Variants in RIN2 observed in about 807,000 individuals in gnomAD.
The protein encoded by RIN2 is Ras and Rab interactor 2.
Under a neutral mutation model 78.0 loss-of-function variants are expected in RIN2, and 36 were observed. That is an observed-to-expected ratio of 0.46 (90% CI 0.35 to 0.61). RIN2 has a LOEUF of 0.61. Among genes scored for constraint, RIN2 ranks in the 20% least tolerant of loss-of-function variants. RIN2 has a pLI of 0.00. For synonymous variants in RIN2, 466 were observed against 466.8 expected (o/e 1.00, Z 0.02); for missense variants, 1,087 against 1,159.7 (o/e 0.94, Z 0.91).
intron 1 of RIN2, among the ~76,000 whole-genome samples, chr20:19,764,920 T>TA (rs2033811677): frequency 1.3e-5 from 1 of 78,750 alleles, no homozygotes; most frequent in Non-Finnish European, 2.7e-5. Flanking sequence ...CTTTCTGCGT[T>TA]TTTTTTTTTT....
chr20:19,898,811 C>G (rs927246218), intron 3 of RIN2, among the ~76,000 whole-genome samples: 1 of 152,100 alleles, frequency 6.6e-6, no homozygotes, highest in Non-Finnish European at 1.5e-5. Context: ...AATGAAAGGA[C>G]AAACTCAAAT....
At chr20:19,856,169 CTTAA>C (rs1324429292) in intron 2 of RIN2, among the ~76,000 whole-genome samples, 1 of 151,998 alleles carries the variant, frequency 6.6e-6, no homozygotes, top group Non-Finnish European at 1.5e-5. Flanking sequence ...TTAGGGATAT[CTTAA>C]TTAATTAATT....
chr20:19,817,727 C>T lies in RIN2; in HGVS notation c.-37+17980C>T, dbSNP rs538723826. On this transcript the variant is annotated intron_variant, in intron 2 of 12. Transcript: ENST00000255006. ...AAAATCAATGAATCAAAAAGAAAGA[C>T]ACTGATGCCCACTGAGGTTCAATAA... 4.6e-5 allele frequency among the ~76,000 whole-genome samples: 7 copies of T among 152,244 alleles called. No individual in the cohort carries two copies. The East Asian group carries it at 1.2e-3, about 25-fold the overall frequency.
In RIN2 at chr20:19,974,975, A is replaced by G; in HGVS notation, c.950A>G (p.Asn317Ser). ...CCCAGGCCCCCGCCACCCGCTATTA[A>G]TAGTCTCCACACAAGCCCTCGGCTG... ...PPPRPPPPAI[N>S]SLHTSPRLAR... is the part of the protein sequence containing the mutation. Residue 317 changes from asparagine to serine, a missense_variant, in exon 9 of 13, where the codon AAT (asparagine) becomes AGT (serine). Coordinates refer to ENST00000255006, the MANE Select transcript of RIN2 (RefSeq NM_018993.4). 1.2e-6 allele frequency: 2 copies of G among 1,613,054 alleles called. No individual in the cohort carries two copies. Among genetic ancestry groups the G allele is most frequent in the Non-Finnish European group, 1.7e-6 (2 of 1,179,680 alleles).
intron 2 of RIN2, among the ~76,000 whole-genome samples, chr20:19,869,103 A>G (rs2037601386): frequency 1.3e-5 from 2 of 151,234 alleles, no homozygotes; most frequent in Admixed American, 1.3e-4. Flanking sequence ...AAAAAAAAAA[A>G]AGTGTTCACC....
At chr20:19,809,175 T>A (rs16981140) in intron 2 of RIN2, 1 of 152,206 alleles carries the variant, frequency 6.6e-6, no homozygotes, top group African/African-American at 2.4e-5. Flanking sequence ...ACTTCACAGC[T>A]GGGGCAGAAG....
chr20:19,858,698 T>C (rs569454252), intron 2 of RIN2, among the ~76,000 whole-genome samples: 1 of 152,186 alleles, frequency 6.6e-6, no homozygotes, highest in Non-Finnish European at 1.5e-5. Context: ...GGAATAATAT[T>C]TACTTATTCC....
intron 3 of RIN2, 56 bp from the exon 4 acceptor site, chr20:19,935,043 T>A: frequency 7.5e-7 from 1 of 1,326,132 alleles, no homozygotes; most frequent in South Asian, 1.3e-5. Flanking sequence ...CCGGGCGCTG[T>A]GGGCATGCCA....
chr20:19,961,533 G>A (rs907776975), intron 6 of RIN2, among the ~76,000 whole-genome samples: 1 of 152,136 alleles, frequency 6.6e-6, no homozygotes, highest in East Asian at 1.9e-4. Context: ...GCCAGGAGGA[G>A]AGAGCTCAGA....
At chr20:19,770,636 CTCT>C (rs141707660) in intron 1 of RIN2, among the ~76,000 whole-genome samples, 2,417 of 152,260 alleles carry the variant, frequency 0.016, 65 homozygotes, top group African/African-American at 0.055. Context: ...GCCTCTGTCC[CTCT>C]TCCACCTCCT....
intron 1 of RIN2, among the ~76,000 whole-genome samples, chr20:19,781,073 T>C (rs1278029078): frequency 6.6e-6 from 1 of 152,228 alleles, no homozygotes; most frequent in Non-Finnish European, 1.5e-5. Flanking sequence ...GCTGTTTTAA[T>C]CTTGTATCAT....
intron 3 of RIN2, 69 bp downstream of exon 3, chr20:19,889,727 C>G: frequency 8.0e-7 from 1 of 1,243,326 alleles, no homozygotes; most frequent in East Asian, 2.7e-5. Context: ...CTGCGGTGCT[C>G]CATGGAGCTG....
chr20:19,810,409 A>C (rs958551903), intron 2 of RIN2, among the ~76,000 whole-genome samples: 1 of 152,136 alleles, frequency 6.6e-6, no homozygotes, highest in East Asian at 1.9e-4. Context: ...CTCTGTCTCA[A>C]AGAAATGAAA....
At chr20:19,878,613 C>G (rs2037928729) in intron 2 of RIN2, among the ~76,000 whole-genome samples, 1 of 152,020 alleles carries the variant, frequency 6.6e-6, no homozygotes, top group African/African-American at 2.4e-5. Flanking sequence ...TTTTAATATT[C>G]AGACATAAAG....
intron 3 of RIN2, among the ~76,000 whole-genome samples, chr20:19,895,402 T>C (rs1439150272): frequency 2.0e-5 from 3 of 152,192 alleles, no homozygotes; most frequent in Non-Finnish European, 4.4e-5. Context: ...CCTTTGGGCT[T>C]CCTGAGCAAG....
chr20:19,993,668 T>G (rs138114952), intron 11 of RIN2, among the ~76,000 whole-genome samples: 3 of 152,114 alleles, frequency 2.0e-5, no homozygotes, highest in African/African-American at 7.2e-5. Context: ...CACTCCCCGA[T>G]GAGCCTCCAA....
At chr20:19,762,367 TGGA>T in intron 1 of RIN2, among the ~76,000 whole-genome samples, 1 of 152,154 alleles carries the variant, frequency 6.6e-6, no homozygotes, top group South Asian at 2.1e-4. Context: ...TGTGGGCTAG[TGGA>T]GGAGCCTTCG....
chr20:19,809,894 C>G (rs1181239208), intron 2 of RIN2, among the ~76,000 whole-genome samples: 2 of 152,136 alleles, frequency 1.3e-5, no homozygotes, highest in African/African-American at 4.8e-5. Flanking sequence ...AAAGACACTT[C>G]CAGTTTTCAG....
At chr20:19,830,293 C>A (rs1165535494) in intron 2 of RIN2, among the ~76,000 whole-genome samples, 1 of 152,124 alleles carries the variant, frequency 6.6e-6, no homozygotes, top group Non-Finnish European at 1.5e-5. Context: ...TAAAGCCAAG[C>A]TAGCTTTTCA....
Sources: gnomAD v4.1 joint callset for allele counts (sites outside exome capture counted in the v4.1 genomes callset) on GRCh38, gnomAD v4.1.1 for gene constraint, MANE v1.5 for transcripts, NCBI Gene and HGNC (gene_info 2026-07-23, HGNC 2026-07-21) for gene names.